Variants in SMOC1 observed in about 807,000 individuals in gnomAD.
SMOC1 encodes SPARC-related modular calcium-binding protein 1.
In SMOC1, 22 loss-of-function variants were observed where a neutral mutation model predicts 56.3. The observed-to-expected ratio is 0.39, with a 90% CI of 0.28 to 0.56. The LOEUF is 0.56. Among genes scored for constraint, SMOC1 ranks in the 20% least tolerant of loss-of-function variants. The pLI, the probability that SMOC1 is intolerant of heterozygous loss-of-function variation, is 0.61. For missense variants in SMOC1, 509 were observed against 565.4 expected (o/e 0.90, Z 1.01); for synonymous variants, 193 against 215.0 (o/e 0.90, Z 0.89).
rs541167935 is a variant in SMOC1, at chr14:69,944,878, A to C, written c.100-7260A>C. Among the ~76,000 whole-genome samples the C allele has an allele frequency of 6.6e-5, 10 of 152,286 alleles. No homozygotes were observed. The South Asian group carries it at 1.7e-3, about 25-fold the overall frequency. On this transcript the variant is annotated intron_variant, in intron 1 of 11. Transcript: ENST00000361956. The stretch of plus-strand genomic sequence containing the variant: ...CTCAGCCATACTGGTATATCCTCTT[A>C]GAGATTTTTTTCATTTCCATTATTC...
intron 7 of SMOC1, among the ~76,000 whole-genome samples, chr14:69,997,769 T>C (rs1233308064): frequency 6.6e-6 from 1 of 152,212 alleles, no homozygotes. Flanking sequence ...GATATTTGGC[T>C]CTGGTAGGGA....
rs556815190 is a variant in SMOC1 at position 69,905,483 on chromosome 14, T to C, written c.99+25706T>C. On this transcript the variant is annotated intron_variant, in intron 1 of 11. Coordinates refer to ENST00000361956, the MANE Select transcript of SMOC1 (RefSeq NM_001034852.3). ...AACGTCAACTTGGTGCTGTAGGCAG[T>C]GGGCATCATTACAGAATTTTAAGCA... Among the ~76,000 whole-genome samples, 24 of 152,294 alleles carry C rather than the reference T, an allele frequency of 1.6e-4. No homozygotes were observed. In the South Asian group the frequency reaches 3.7e-3, roughly 24 times the overall value.
chr14:69,911,320 A>AT (rs1189252438), intron 1 of SMOC1, among the ~76,000 whole-genome samples: 1 of 152,240 alleles, frequency 6.6e-6, no homozygotes, highest in African/African-American at 2.4e-5. Context: ...CAGGAGAGCC[A>AT]TGTGGCCCAG....
At chr14:69,972,550 G>T (rs897277467) in intron 3 of SMOC1, among the ~76,000 whole-genome samples, 5 of 152,164 alleles carry the variant, frequency 3.3e-5, no homozygotes, top group Admixed American at 6.5e-5. Context: ...CTGGGATTTT[G>T]TAATCTGGGC....
intron 11 of SMOC1, 31 bp downstream of exon 11, chr14:70,023,478 T>C (rs559918266): frequency 6.2e-7 from 1 of 1,613,742 alleles, no homozygotes; most frequent in Non-Finnish European, 8.5e-7. Flanking sequence ...TCCTGGCCTT[T>C]CAATACTTGC....
chr14:69,975,909 T>C, intron 4 of SMOC1, 95 bp downstream of exon 4: 2 of 849,410 alleles, frequency 2.4e-6, no homozygotes, highest in South Asian at 1.4e-5. Context: ...AGAAGGTTGA[T>C]GGTGGTGATG....
chr14:69,943,676 T>TC (rs33984977), intron 1 of SMOC1, among the ~76,000 whole-genome samples: 34 of 151,890 alleles, frequency 2.2e-4, no homozygotes, highest in Admixed American at 3.9e-4. Flanking sequence ...AGAGTGGCTT[T>TC]CCCCCCCCTT....
chr14:70,014,232 A>T (rs2139594880), intron 10 of SMOC1, among the ~76,000 whole-genome samples: 1 of 152,318 alleles, frequency 6.6e-6, no homozygotes, highest in Middle Eastern at 3.4e-3. Flanking sequence ...CTTAGCGGGG[A>T]TACTAGACCA....
intron 1 of SMOC1, among the ~76,000 whole-genome samples, chr14:69,894,569 G>A (rs918709117): frequency 1.3e-5 from 2 of 152,194 alleles, no homozygotes; most frequent in South Asian, 2.1e-4. Context: ...AGGTAAGAGA[G>A]TGGAAGGGAT....
At chr14:69,983,588 C>T (rs1884257874) in intron 5 of SMOC1, among the ~76,000 whole-genome samples, 1 of 152,210 alleles carries the variant, frequency 6.6e-6, no homozygotes, top group African/African-American at 2.4e-5. Context: ...TGTGGTAGCT[C>T]CTGTAGCCAG....
chr14:69,901,553 T>C (rs1884242810), intron 1 of SMOC1, among the ~76,000 whole-genome samples: 1 of 152,328 alleles, frequency 6.6e-6, no homozygotes, highest in African/African-American at 2.4e-5. Context: ...GTAAGGGGGA[T>C]GTTGTGTTTG....
chr14:69,926,432 G>A (rs375029712), intron 1 of SMOC1, among the ~76,000 whole-genome samples: 11 of 152,342 alleles, frequency 7.2e-5, no homozygotes, highest in East Asian at 1.9e-4. Flanking sequence ...TGCCAGTCCC[G>A]TAAACTTTCA....
chr14:69,926,188 C>G (rs758849522), intron 1 of SMOC1, among the ~76,000 whole-genome samples: 1 of 152,158 alleles, frequency 6.6e-6, no homozygotes, highest in Non-Finnish European at 1.5e-5. Context: ...GAACAAGAAG[C>G]AGGATTTTCC....
chr14:70,016,477 G>T (rs983317096), intron 10 of SMOC1, among the ~76,000 whole-genome samples: 1 of 152,150 alleles, frequency 6.6e-6, no homozygotes, highest in Admixed American at 6.5e-5. Flanking sequence ...GATGCTTCAA[G>T]AAATAGTTTA....
chr14:69,919,352 G>A (rs1405402930), intron 1 of SMOC1, among the ~76,000 whole-genome samples: 1 of 152,112 alleles, frequency 6.6e-6, no homozygotes, highest in African/African-American at 2.4e-5. Context: ...TTCCAGCCCT[G>A]TGTCTTGTTC....
chr14:69,983,366 C>T (rs1884248168), intron 5 of SMOC1, among the ~76,000 whole-genome samples: 2 of 152,340 alleles, frequency 1.3e-5, no homozygotes, highest in South Asian at 2.1e-4. Flanking sequence ...GGCTTGTTAT[C>T]GTCACTAAGG....
chr14:69,914,865 T>TATTCATTC (rs10699853), intron 1 of SMOC1, among the ~76,000 whole-genome samples: 13,407 of 149,356 alleles, frequency 0.09, 693 homozygotes, highest in East Asian at 0.19. Flanking sequence ...TAATTTATTT[T>TATTCATTC]ATTCATTCAT....
At chr14:70,007,089 A>C (rs879819731) in intron 7 of SMOC1, among the ~76,000 whole-genome samples, 2 of 152,216 alleles carry the variant, frequency 1.3e-5, no homozygotes, top group African/African-American at 2.4e-5. Flanking sequence ...GGTTAGGATA[A>C]AAATCAGATT....
At chr14:69,959,546 G>A (rs1351745499) in intron 3 of SMOC1, among the ~76,000 whole-genome samples, 3 of 152,098 alleles carry the variant, frequency 2.0e-5, no homozygotes, top group Non-Finnish European at 1.5e-5. Context: ...CGTGGTCCAG[G>A]AACAATCTTT....
Sources: gnomAD v4.1 joint callset for allele counts (sites outside exome capture counted in the v4.1 genomes callset) on GRCh38, gnomAD v4.1.1 for gene constraint, MANE v1.5 for transcripts, NCBI Gene and HGNC (gene_info 2026-07-23, HGNC 2026-07-21) for gene names.